PFKFB2: variants seen among roughly 807,000 people sequenced by gnomAD.
The protein encoded by PFKFB2 is 6-phosphofructo-2-kinase/fructose-2,6-bisphosphatase 2.
In PFKFB2, 53 loss-of-function variants were observed where a neutral mutation model predicts 68.0. That is an observed-to-expected ratio of 0.78 (90% CI 0.63 to 0.98). PFKFB2 has a LOEUF of 0.98. Among genes scored for constraint, PFKFB2 ranks in the 50% least tolerant of loss-of-function variants. The probability of loss-of-function intolerance (pLI) is 0.00; values close to 1 mark genes in which losing one functional copy is unlikely to be tolerated. For synonymous variants in PFKFB2, 222 were observed against 227.6 expected (o/e 0.98, Z 0.22); for missense variants, 451 against 642.0 (o/e 0.70, Z 3.22).
chr1:207,078,541 A>T (rs1297628653), downstream of PFKFB2, among the ~76,000 whole-genome samples: 1 of 152,368 alleles, frequency 6.6e-6, no homozygotes, highest in African/African-American at 2.4e-5. Flanking sequence ...ATGGACTCGT[A>T]TAACTAAAAT....
Position 207,063,274 on chromosome 1 carries a change from C to T in PFKFB2, c.375+65C>T. 1.3e-6 allele frequency: 2 copies of T among 1,582,514 alleles called. No homozygotes were observed. Among genetic ancestry groups the T allele is most frequent in the Admixed American group, 3.3e-5 (2 of 59,968 alleles). On this transcript the variant is annotated intron_variant, in intron 5 of 14. Coordinates refer to ENST00000367080, the MANE Select transcript of PFKFB2 (RefSeq NM_006212.2). The surrounding 1 kb of genome is among the most constrained non-coding windows in gnomAD (Gnocchi z 4.1). ...CTTGCAGCAGCCTGGCTACCCAGCC[C>T]CACCTTGAGTCTGCCCTGGTGGGGT...
intron 2 of PFKFB2, chr1:207,048,264 C>G (rs1185874999): frequency 6.6e-6 from 1 of 152,634 alleles, no homozygotes; most frequent in Non-Finnish European, 1.5e-5. Flanking sequence ...CTCATACATT[C>G]TACGTTTTAT....
At position 207,070,672 on chromosome 1, in the gene PFKFB2, C is replaced by T; in HGVS notation, c.1222+263C>T. On this transcript the variant is annotated intron_variant, in intron 12 of 14. Coordinates refer to ENST00000367080, the MANE Select transcript of PFKFB2 (RefSeq NM_006212.2). This position sits in a 1 kb window ranked among gnomAD's most constrained non-coding sequence, Gnocchi z 4.2. The stretch of plus-strand genomic sequence containing the variant: ...CTCAAGGGCCAGTGTCATGCTGACA[C>T]TCCTGGCAGCATCAGGACAGTGGTT... 2.4e-6 allele frequency: 1 copy of T among 424,420 alleles called. No individual in the cohort carries two copies. The highest frequency in any genetic ancestry group is 2.3e-5 in the South Asian group (1 of 43,898). The allele number at this position is 424,420 out of a possible 1,614,324, so 26.3% of individuals were successfully genotyped here.
chr1:207,067,705 A>G lies in PFKFB2; in HGVS notation c.839A>G (p.Gln280Arg). 6.2e-7 allele frequency: 1 copy of G among 1,611,396 alleles called. No individual in the cohort carries two copies. Among genetic ancestry groups the G allele is most frequent in the East Asian group, 2.2e-5 (1 of 44,854 alleles). ...TCTGGCCTCTCGGTGCGGGGAAAGCAGGTGAGTAATTATTCAGCACACTGG... is the reference window on the plus strand; with the variant it reads ...TCTGGCCTCTCGGTGCGGGGAAAGCGGGTGAGTAATTATTCAGCACACTGG... ...GDSGLSVRGK[Q>R]FAQALRKFLE... The change falls in exon 9 of 15, where the codon CAG becomes CGG. Residue 280 changes from glutamine to arginine, a missense_variant and splice_region_variant. Coordinates refer to ENST00000367080, the MANE Select transcript of PFKFB2 (RefSeq NM_006212.2).
chr1:207,068,736 G>A (rs923383981), intron 10 of PFKFB2, among the ~76,000 whole-genome samples: 2 of 149,878 alleles, frequency 1.3e-5, no homozygotes, highest in African/African-American at 5.1e-5. Context: ...GAGTACAAAA[G>A]TAGACATTTC....
upstream of PFKFB2, chr1:207,049,548 G>C (rs768351450): frequency 1.4e-5 from 22 of 1,614,044 alleles, no homozygotes. Flanking sequence ...CTGGATTCAA[G>C]ACTCCTCCTT....
intron 2 of PFKFB2, among the ~76,000 whole-genome samples, chr1:207,055,868 A>G (rs1682905622): frequency 6.6e-6 from 1 of 152,146 alleles, no homozygotes; most frequent in African/African-American, 2.4e-5. Context: ...TGGATGTGAT[A>G]CTGGGGTTGG....
rs1683639390 is a variant in PFKFB2, at chr1:207,076,816, T to A, written c.*4445T>A. On this transcript the variant is annotated 3_prime_UTR_variant, in exon 15 of 15. Transcript: ENST00000367080. ...TAGATAGACTATAGTAAAATTTGGG[T>A]GTTGCCTGACTAACGGTCTAGGGTC... The A allele has an allele frequency of 2.0e-6, 2 of 985,250 alleles. No homozygotes were observed. Among genetic ancestry groups the A allele is most frequent in the Admixed American group, 6.1e-5 (1 of 16,268 alleles). 61.0% of individuals were successfully genotyped at this position (985,250 alleles called of 1,614,324 possible). A position where few individuals can be genotyped will look rare whatever the true frequency, so the allele number is the denominator to read the frequency against.
Position 207,065,149 on chromosome 1 carries a change from C to T in PFKFB2, c.621C>T (p.Asp207=). Residue 207 remains aspartate, a synonymous_variant, in exon 8 of 15, where the codon GAC becomes GAT. Coordinates refer to ENST00000367080, the MANE Select transcript of PFKFB2 (RefSeq NM_006212.2). ...TTACCTACCGACCTCTTGACCCAGA[C>T]AACTATGACAAGTAAGGTTTAAGGC... ...YKVTYRPLDP[D]NYDKDLSFIK... 6.2e-7 allele frequency: 1 copy of T among 1,613,824 alleles called. No individual in the cohort carries two copies. Among genetic ancestry groups the T allele is most frequent in the Non-Finnish European group, 8.5e-7 (1 of 1,179,878 alleles).
At chr1:207,054,918 A>C (rs1376702274) in intron 2 of PFKFB2, 116 bp downstream of exon 2, 5 of 715,544 alleles carry the variant, frequency 7.0e-6, no homozygotes, top group Non-Finnish European at 1.2e-5. Flanking sequence ...TTGACATGGA[A>C]ATTTAATGCA....
At chr1:207,062,431 T>G in intron 3 of PFKFB2, 189 bp from the exon 4 acceptor site, 1 of 838,592 alleles carries the variant, frequency 1.2e-6, no homozygotes, top group Non-Finnish European at 1.9e-6. Context: ...GCTTAAGACT[T>G]GTCCAAGGTC....
chr1:207,070,044 C>T lies in PFKFB2; in HGVS notation c.1093-236C>T, dbSNP rs573608833. On this transcript the variant is annotated intron_variant, in intron 11 of 14. Transcript: ENST00000367080. This position sits in a 1 kb window ranked among gnomAD's most constrained non-coding sequence, Gnocchi z 4.2. ...CACACACACACAGGTTGAACTCACA[C>T]TTCCTCTTCTTAACCTGTAGTTTTC... Among the ~76,000 whole-genome samples, 46 of 152,340 alleles carry T rather than the reference C, an allele frequency of 3.0e-4. No individual in the cohort carries two copies. The highest frequency in any genetic ancestry group is 1.1e-3 in the African/African-American group (46 of 41,562).
In PFKFB2 at chr1:207,072,271, C is replaced by A. The variant is rs147014775; in HGVS notation, c.1418C>A (p.Ser473Ter). The A allele has an allele frequency of 9.9e-6, 16 of 1,614,174 alleles. No individual in the cohort carries two copies. Among genetic ancestry groups the A allele is most frequent in the Non-Finnish European group, 1.3e-5 (15 of 1,180,028 alleles). ...RRNSFTPLSSSNTIRRPRNYS... is the reference protein window; with the variant it reads ...RRNSFTPLSS Reference sequence around the variant, plus strand: ...AACAGCTTTACGCCTCTGTCCAGTTCGAATACAATAAGGCGTCCAAGAAAT... The same window carrying A: ...AACAGCTTTACGCCTCTGTCCAGTTAGAATACAATAAGGCGTCCAAGAAAT... The change falls in exon 15 of 15, where the codon TCG becomes TAG. Residue 473 changes from serine (S) to a stop codon, truncating the protein, a stop_gained. Transcript: ENST00000367080. LOFTEE classifies it high-confidence loss of function.
Position 207,073,371 on chromosome 1 carries a change from G to C in PFKFB2, c.*1000G>C. On this transcript the variant is annotated 3_prime_UTR_variant, in exon 15 of 15. Coordinates refer to ENST00000367080, the MANE Select transcript of PFKFB2 (RefSeq NM_006212.2). ...ACAGCAACTTTTCCTGCCAAAGCCA[G>C]TATCCTCTGGGGCTGTTTAGAAGGG... 2.0e-6 allele frequency: 2 copies of C among 985,428 alleles called. No individual in the cohort carries two copies. Among genetic ancestry groups the C allele is most frequent in the Non-Finnish European group, 2.4e-6 (2 of 829,936 alleles). 61.0% of individuals were successfully genotyped at this position (985,428 alleles called of 1,614,324 possible). A position where few individuals can be genotyped will look rare whatever the true frequency, so the allele number is the denominator to read the frequency against.
chr1:207,036,766 A>T (rs1372572447), intron 1 of PFKFB2, among the ~76,000 whole-genome samples: 3 of 152,090 alleles, frequency 2.0e-5, no homozygotes, highest in Admixed American at 6.5e-5. Flanking sequence ...TCTGAATCTC[A>T]TTTCACCAAC....
intron 2 of PFKFB2, chr1:207,044,319 T>C (rs1205268030): frequency 1.3e-5 from 2 of 152,566 alleles, no homozygotes; most frequent in South Asian, 2.1e-4. Flanking sequence ...AAAAATACTA[T>C]TCTGCTAAGT....
chr1:207,041,173 C>G (rs187015867), intron 1 of PFKFB2, among the ~76,000 whole-genome samples: 1 of 151,914 alleles, frequency 6.6e-6, no homozygotes, highest in Middle Eastern at 3.2e-3. Flanking sequence ...GTGATCTGCC[C>G]TGCCTCGGCC....
chr1:207,050,309 A>C (rs913794106), upstream of PFKFB2, among the ~76,000 whole-genome samples: 1 of 152,200 alleles, frequency 6.6e-6, no homozygotes, highest in Admixed American at 6.5e-5. Context: ...AAGAAAAAAA[A>C]AATCCTGCAC....
chr1:207,061,748 G>A (rs568610848), intron 2 of PFKFB2, among the ~76,000 whole-genome samples: 2 of 152,276 alleles, frequency 1.3e-5, no homozygotes, highest in East Asian at 3.9e-4. Context: ...TGGGCATGGT[G>A]GAGGGCGCCT....
Sources: gnomAD v4.1 joint callset for allele counts (sites outside exome capture counted in the v4.1 genomes callset) on GRCh38, gnomAD v4.1.1 for gene constraint, Gnocchi (gnomAD v3.1) non-coding constraint, MANE v1.5 for transcripts, NCBI Gene and HGNC (gene_info 2026-07-23, HGNC 2026-07-21) for gene names.